Variants in ARHGAP26 observed in about 807,000 individuals in gnomAD.
ARHGAP26 encodes the protein rho GTPase-activating protein 26.
A neutral mutation model predicts 104.8 loss-of-function variants in ARHGAP26; 38 were observed. That is an observed-to-expected ratio of 0.36 (90% CI 0.28 to 0.48). The LOEUF is 0.48. Ranked by LOEUF, ARHGAP26 falls within the 20% of genes least tolerant of loss-of-function variation. ARHGAP26 has a pLI of 0.99. For missense variants in ARHGAP26, 704 were observed against 947.9 expected (o/e 0.74, Z 3.38); for synonymous variants, 341 against 340.0 (o/e 1.00, Z -0.03).
At chr5:143,151,033 AG>A (rs1441236819) in intron 20 of ARHGAP26, among the ~76,000 whole-genome samples, 2 of 152,260 alleles carry the variant, frequency 1.3e-5, no homozygotes, top group Non-Finnish European at 2.9e-5. Flanking sequence ...ATAAAGGACC[AG>A]TATCCAAAAT....
At position 143,227,207 on chromosome 5, in the gene ARHGAP26, A is replaced by C. The variant is rs1811742726; in HGVS notation, c.*4761A>C. On this transcript the variant is annotated 3_prime_UTR_variant, in exon 23 of 23. Coordinates refer to ENST00000645722, the MANE Select transcript of ARHGAP26 (RefSeq NM_001135608.3). ...GCACCCAGAGTTTGCCCAAGTACTG[A>C]ATGTTTTGTGAGCAACCATGTTCCC... The C allele has an allele frequency of 8.7e-6, 2 of 229,780 alleles. No homozygotes were observed. Among genetic ancestry groups the C allele is most frequent in the Non-Finnish European group, 1.7e-5 (2 of 116,056 alleles). 14.2% of individuals were successfully genotyped at this position (229,780 alleles called of 1,614,324 possible).
At position 143,213,984 on chromosome 5, in the gene ARHGAP26, T is replaced by C. The variant is rs1809925609; in HGVS notation, c.2100-13T>C. 1 of 1,550,004 alleles carries C rather than the reference T, an allele frequency of 6.5e-7. No homozygotes were observed. Among genetic ancestry groups the C allele is most frequent in the African/African-American group, 1.4e-5 (1 of 73,982 alleles). On this transcript the variant is annotated splice_polypyrimidine_tract_variant and intron_variant, in intron 21 of 22. Coordinates refer to ENST00000645722, the MANE Select transcript of ARHGAP26 (RefSeq NM_001135608.3). ...TTTTCAAAAATGTTAAATAAACTCC[T>C]GTTTTCACACAGCACACCGTTCCGG...
At chr5:143,109,130 G>T (rs1191677031) in intron 17 of ARHGAP26, among the ~76,000 whole-genome samples, 1 of 151,900 alleles carries the variant, frequency 6.6e-6, no homozygotes, top group African/African-American at 2.4e-5. Flanking sequence ...TGCTGATCAT[G>T]GGTGGCTATT....
At chr5:143,078,783 T>C (rs1789400501) in intron 17 of ARHGAP26, among the ~76,000 whole-genome samples, 1 of 152,206 alleles carries the variant, frequency 6.6e-6, no homozygotes, top group African/African-American at 2.4e-5. Flanking sequence ...GTGGGTTTGA[T>C]TGGCCTAAGA....
rs193273671 is a variant in ARHGAP26 at position 143,068,615 on chromosome 5, C to T, written c.1538+10868C>T. Among the ~76,000 whole-genome samples the T allele has an allele frequency of 2.5e-3, 374 of 152,328 alleles. 1 individual carries two copies. The highest frequency in any genetic ancestry group is 8.6e-3 in the African/African-American group (359 of 41,556). On this transcript the variant is annotated intron_variant, in intron 17 of 22. Transcript: ENST00000645722. Reference sequence around the variant, plus strand: ...TCTGTCTCTACTAAATCTTTCCCATCAGCACATAAGCATGTTGTAATTTAT... The same window carrying T: ...TCTGTCTCTACTAAATCTTTCCCATTAGCACATAAGCATGTTGTAATTTAT...
chr5:142,819,495 G>C (rs373912218), intron 1 of ARHGAP26, among the ~76,000 whole-genome samples: 16 of 152,320 alleles, frequency 1.1e-4, no homozygotes, highest in Middle Eastern at 3.4e-3. Context: ...GCAGACTGAG[G>C]CTGTTAGGTC....
intron 10 of ARHGAP26, among the ~76,000 whole-genome samples, chr5:142,922,511 A>G (rs1763342886): frequency 6.6e-6 from 1 of 152,138 alleles, no homozygotes. Context: ...TAAATGACTC[A>G]TTCATTCTCT....
chr5:142,790,518 T>G (rs1322066112), intron 1 of ARHGAP26, among the ~76,000 whole-genome samples: 1 of 152,192 alleles, frequency 6.6e-6, no homozygotes, highest in Non-Finnish European at 1.5e-5. Flanking sequence ...GTCATAAACC[T>G]TATTCCACTC....
intron 18 of ARHGAP26, among the ~76,000 whole-genome samples, chr5:143,127,413 T>C (rs1218956741): frequency 6.6e-6 from 1 of 152,198 alleles, no homozygotes; most frequent in East Asian, 1.9e-4. Context: ...CAAAATAAGT[T>C]ATAATAATTC....
chr5:143,109,513 G>T (rs1425213974), intron 17 of ARHGAP26, among the ~76,000 whole-genome samples: 1 of 151,868 alleles, frequency 6.6e-6, no homozygotes, highest in Non-Finnish European at 1.5e-5. Flanking sequence ...GGAGTGCAGT[G>T]GTGCGATCTC....
chr5:143,014,284 C>T lies in ARHGAP26; in HGVS notation c.1144+168C>T, dbSNP rs1779292989. Reference sequence around the variant, plus strand: ...CACCCCAACTTTCCGCCAGTGACTCCAGAGGGACGGTAAGTGAGCCTGGCT... The same window carrying T: ...CACCCCAACTTTCCGCCAGTGACTCTAGAGGGACGGTAAGTGAGCCTGGCT... On this transcript the variant is annotated intron_variant, in intron 12 of 22. Coordinates refer to ENST00000645722, the MANE Select transcript of ARHGAP26 (RefSeq NM_001135608.3). 5.8e-6 allele frequency: 4 copies of T among 690,374 alleles called. No homozygotes were observed. In the East Asian group the frequency reaches 1.1e-4, roughly 19 times the overall value. 42.8% of individuals were successfully genotyped at this position (690,374 alleles called of 1,614,324 possible).
chr5:143,009,099 C>T (rs1378500046), intron 11 of ARHGAP26, among the ~76,000 whole-genome samples: 1 of 152,038 alleles, frequency 6.6e-6, no homozygotes, highest in African/African-American at 2.4e-5. Flanking sequence ...TCGTCAGGAT[C>T]GAACCCTGTG....
chr5:143,216,834 G>GTTAGTACAC (rs1562631111), intron 22 of ARHGAP26: 1 of 153,230 alleles, frequency 6.5e-6, no homozygotes, highest in African/African-American at 2.4e-5. Flanking sequence ...CTGACAAAAC[G>GTTAGTACAC]TTAGTACACT....
intron 17 of ARHGAP26, among the ~76,000 whole-genome samples, chr5:143,063,637 C>G (rs1787068000): frequency 6.6e-6 from 1 of 152,246 alleles, no homozygotes; most frequent in African/African-American, 2.4e-5. Flanking sequence ...TGAAGAGTCT[C>G]TTGACCGCTT....
At chr5:142,913,421 C>T in intron 10 of ARHGAP26, 128 bp downstream of exon 10, 2 of 754,374 alleles carry the variant, frequency 2.7e-6, no homozygotes, top group South Asian at 1.7e-5. Flanking sequence ...TCCTTCTCCC[C>T]CTGCCTCCTT....
intron 20 of ARHGAP26, among the ~76,000 whole-genome samples, chr5:143,161,786 T>C (rs1270040215): frequency 6.6e-6 from 1 of 152,230 alleles, no homozygotes; most frequent in African/African-American, 2.4e-5. Flanking sequence ...GTGATTATGC[T>C]AAAAAGAGGC....
intron 20 of ARHGAP26, among the ~76,000 whole-genome samples, chr5:143,156,874 C>A (rs56238527): frequency 3.3e-5 from 5 of 152,212 alleles, no homozygotes; most frequent in African/African-American, 7.2e-5. Context: ...CATCTCCCCC[C>A]AAAAGCCCAG....
intron 17 of ARHGAP26, among the ~76,000 whole-genome samples, chr5:143,062,228 A>G (rs1212417351): frequency 6.6e-6 from 1 of 152,238 alleles, no homozygotes; most frequent in Non-Finnish European, 1.5e-5. Context: ...GCACTAAATT[A>G]TAAGATTTTA....
intron 17 of ARHGAP26, among the ~76,000 whole-genome samples, chr5:143,078,356 G>C (rs1489837038): frequency 1.3e-5 from 2 of 152,150 alleles, no homozygotes; most frequent in African/African-American, 4.8e-5. Flanking sequence ...TGTGTCTCCT[G>C]TCTAACTCTA....
Sources: gnomAD v4.1 joint callset for allele counts (sites outside exome capture counted in the v4.1 genomes callset) on GRCh38, gnomAD v4.1.1 for gene constraint, MANE v1.5 for transcripts, NCBI Gene and HGNC (gene_info 2026-07-23, HGNC 2026-07-21) for gene names.